PUM1: variants seen among roughly 807,000 people sequenced by gnomAD.
The protein encoded by PUM1 is pumilio RNA binding family member 1, also known as pumilio homolog 1.
A neutral mutation model predicts 131.8 loss-of-function variants in PUM1; 13 were observed. That is an observed-to-expected ratio of 0.10 (90% CI 0.06 to 0.16). The LOEUF is 0.16. PUM1 is among the 10% of genes least tolerant of loss of function. The pLI is 1.00. For synonymous variants in PUM1, 509 were observed against 556.5 expected (o/e 0.91, Z 1.20); for missense variants, 961 against 1,512.4 (o/e 0.64, Z 6.05).
chr1:30,955,174 G>T (rs997530857), intron 14 of PUM1, among the ~76,000 whole-genome samples: 27 of 151,826 alleles, frequency 1.8e-4, no homozygotes, highest in Admixed American at 1.8e-3. Flanking sequence ...CAAAATAACA[G>T]GCCAGGGACG....
chr1:31,033,598 C>A (rs998305950), intron 2 of PUM1, among the ~76,000 whole-genome samples: 21 of 152,002 alleles, frequency 1.4e-4, no homozygotes, highest in African/African-American at 5.1e-4. Context: ...AGCCCTAAGC[C>A]CAAGTGATCC....
At chr1:31,005,816 AGAGAG>A in intron 5 of PUM1, 32 bp downstream of exon 5, 1 of 1,529,756 alleles carries the variant, frequency 6.5e-7, no homozygotes, top group Non-Finnish European at 8.8e-7. Context: ...AGAGAGAGAG[AGAGAG>A]AGATAGGAAC....
chr1:31,033,630 T>C (rs1028393344), intron 2 of PUM1, among the ~76,000 whole-genome samples: 18 of 152,072 alleles, frequency 1.2e-4, no homozygotes, highest in African/African-American at 3.9e-4. Flanking sequence ...CCTCCTAAAG[T>C]GCTGGGCTTA....
chr1:30,953,816 C>G lies in PUM1; in HGVS notation c.2489G>C (p.Ser830Thr). The change falls in exon 15 of 22, where the codon AGC (serine) becomes ACC (threonine). Residue 830 changes from serine to threonine, a missense_variant. By Grantham distance (58) the Ser-to-Thr change is moderately conservative. Transcript: ENST00000426105. ...GTTTCGAAAATCTTCCAAAAGCCTGCTCCTGCCAGAAGGCATGACATCAGA... is the reference window on the plus strand; with the variant it reads ...GTTTCGAAAATCTTCCAAAAGCCTGGTCCTGCCAGAAGGCATGACATCAGA... Reference protein sequence around the residue: ...GMSDVMPSGRSRLLEDFRNNR... With the variant: ...GMSDVMPSGRTRLLEDFRNNR... 6.2e-7 allele frequency: 1 copy of G among 1,614,240 alleles called. No individual in the cohort carries two copies. The highest frequency in any genetic ancestry group is 8.5e-7 in the Non-Finnish European group (1 of 1,180,034).
intron 13 of PUM1, among the ~76,000 whole-genome samples, chr1:30,965,553 T>A (rs1370278405): frequency 1.3e-5 from 2 of 152,232 alleles, no homozygotes; most frequent in African/African-American, 2.4e-5. Context: ...CATGTCTACC[T>A]TAAATTCTAC....
In PUM1 at chr1:30,936,847, T is replaced by C. The variant is rs772730238; in HGVS notation, c.3243-12A>G. 6.3e-7 allele frequency: 1 copy of C among 1,591,758 alleles called. No homozygotes were observed. Among genetic ancestry groups the C allele is most frequent in the Non-Finnish European group, 8.6e-7 (1 of 1,163,858 alleles). ...TCTCCACAACATTGCTGTAATGAGATAAAACCAGGGACAACTCTTACAAGA... is the reference window on the plus strand; with the variant it reads ...TCTCCACAACATTGCTGTAATGAGACAAAACCAGGGACAACTCTTACAAGA... On this transcript the variant is annotated splice_polypyrimidine_tract_variant and intron_variant, in intron 20 of 21. Transcript: ENST00000426105.
chr1:31,052,700 C>CT (rs1376812559), intron 2 of PUM1, among the ~76,000 whole-genome samples: 4,726 of 134,936 alleles, frequency 0.035, 94 homozygotes, highest in African/African-American at 0.043. Context: ...TATCCATTAT[C>CT]TTTTTTTTTT....
chr1:31,026,860 T>C (rs1643238962), intron 3 of PUM1, among the ~76,000 whole-genome samples: 1 of 149,868 alleles, frequency 6.7e-6, no homozygotes, highest in Admixed American at 6.7e-5. Context: ...GGAAGAAGAA[T>C]GACACAGCAT....
At chr1:30,995,271 C>T (rs370264167) in intron 5 of PUM1, 51 bp from the exon 6 acceptor site, 64 of 1,599,902 alleles carry the variant, frequency 4.0e-5, no homozygotes, top group African/African-American at 1.1e-4. Flanking sequence ...CTAATAATAA[C>T]GGGCAACCGT....
chr1:30,968,607 G>C (rs950305625), intron 10 of PUM1, 115 bp from the exon 11 acceptor site: 12 of 1,069,220 alleles, frequency 1.1e-5, no homozygotes, highest in African/African-American at 1.6e-5. Context: ...TCCCTATAAT[G>C]GTTTTTATAT....
intron 20 of PUM1, among the ~76,000 whole-genome samples, chr1:30,940,438 T>G (rs1488528036): frequency 6.6e-6 from 1 of 152,232 alleles, no homozygotes; most frequent in Non-Finnish European, 1.5e-5. Context: ...ACTGTGCCAC[T>G]GCACTCAAGC....
chr1:31,017,584 GA>G (rs1264655781), intron 3 of PUM1, among the ~76,000 whole-genome samples: 1 of 151,496 alleles, frequency 6.6e-6, no homozygotes, highest in Non-Finnish European at 1.5e-5. Context: ...TGTGGCCCAA[GA>G]TCACATTCTT....
chr1:31,033,179 A>C (rs2124554665), intron 2 of PUM1, among the ~76,000 whole-genome samples: 1 of 152,184 alleles, frequency 6.6e-6, no homozygotes, highest in South Asian at 2.1e-4. Context: ...CCAAAAAATA[A>C]AGGAAGTTTA....
chr1:30,978,297 C>T (rs12077530), intron 9 of PUM1, among the ~76,000 whole-genome samples: 5,715 of 152,234 alleles, frequency 0.038, 340 homozygotes, highest in African/African-American at 0.13. Context: ...CCACAAATTT[C>T]TAATCTCTAA....
rs781739666 is a variant in PUM1, at chr1:30,941,988, A to G, written c.3120+10T>C. The G allele has an allele frequency of 6.4e-7, 1 of 1,559,336 alleles. No individual in the cohort carries two copies. Among genetic ancestry groups the G allele is most frequent in the Non-Finnish European group, 8.7e-7 (1 of 1,145,588 alleles). The stretch of plus-strand genomic sequence containing the variant: ...GGTGTTCGCAGTTCCTCTACTGGCA[A>G]CTCCACTACCTGTACAAGCTGCTCT... On this transcript the variant is annotated intron_variant, in intron 19 of 21. Transcript: ENST00000426105.
At chr1:31,053,454 TAATCC>T (rs1644160808) in intron 2 of PUM1, among the ~76,000 whole-genome samples, 1 of 147,376 alleles carries the variant, frequency 6.8e-6, no homozygotes, top group South Asian at 2.4e-4. Flanking sequence ...CTCACGCCTG[TAATCC>T]CAGCACTTTG....
intron 2 of PUM1, among the ~76,000 whole-genome samples, chr1:31,038,291 G>A (rs1643683542): frequency 6.6e-6 from 1 of 152,004 alleles, no homozygotes; most frequent in Non-Finnish European, 1.5e-5. Context: ...ATGAACTGAG[G>A]GGGTAGAAAT....
At chr1:30,953,528 G>C (rs1197798559) in intron 15 of PUM1, among the ~76,000 whole-genome samples, 186 bp downstream of exon 15, 1 of 152,182 alleles carries the variant, frequency 6.6e-6, no homozygotes, top group Admixed American at 6.5e-5. Context: ...AGCAGCCGAA[G>C]TGTATGTATG....
chr1:30,950,400 T>C lies in PUM1; in HGVS notation c.2722-139A>G, dbSNP rs1017763914. ...TACCCATGATTAACTAAACCTTTTATTTAAAGAGCCATTGCTTCTTCAAGC... is the reference window on the plus strand; with the variant it reads ...TACCCATGATTAACTAAACCTTTTACTTAAAGAGCCATTGCTTCTTCAAGC... On this transcript the variant is annotated intron_variant, in intron 16 of 21. Coordinates refer to ENST00000426105, the MANE Select transcript of PUM1 (RefSeq NM_001020658.2). The C allele has an allele frequency of 5.5e-5, 45 of 815,230 alleles. 2 individuals are homozygous for C. The Middle Eastern group carries it at 5.6e-3, about 101-fold the overall frequency. The allele number at this position is 815,230 out of a possible 1,614,324, so 50.5% of individuals were successfully genotyped here.
Sources: allele counts gnomAD v4.1 joint callset (sites outside exome capture counted in the v4.1 genomes callset), GRCh38; gene constraint gnomAD v4.1.1; transcripts MANE v1.5; gene names NCBI Gene and HGNC (gene_info 2026-07-23, HGNC 2026-07-21).